The following SEL1L variants were observed in gnomAD, a reference collection of about 807,000 sequenced individuals.
SEL1L encodes the protein SEL1L adaptor subunit of SYVN1 ubiquitin ligase.
SEL1L carries 52 observed loss-of-function variants against 109.8 expected under a neutral mutation model. That is an observed-to-expected ratio of 0.47 (90% CI 0.38 to 0.60). The LOEUF (loss-of-function observed/expected upper bound fraction) is 0.60, where lower values mean the gene tolerates loss of function less well. SEL1L is among the 20% of genes least tolerant of loss of function. The pLI, the probability that SEL1L is intolerant of heterozygous loss-of-function variation, is 0.00. For missense variants in SEL1L, 749 were observed against 962.2 expected (o/e 0.78, Z 2.93); for synonymous variants, 373 against 339.6 (o/e 1.10, Z -1.08).
intron 6 of SEL1L, among the ~76,000 whole-genome samples, chr14:81,501,390 A>G (rs1212132746): frequency 6.6e-6 from 1 of 152,230 alleles, no homozygotes; most frequent in Non-Finnish European, 1.5e-5. Flanking sequence ...TGCCTTATAA[A>G]GTAAAACCGT....
rs779234987 is a variant in SEL1L at position 81,533,729 on chromosome 14, C to T, written c.16G>A (p.Gly6Arg). The change falls in exon 1 of 21, where the codon GGG becomes AGG. Residue 6 changes from glycine to arginine, a missense_variant. Coordinates refer to ENST00000336735, the MANE Select transcript of SEL1L (RefSeq NM_005065.6). Reference sequence around the variant, plus strand: ...ACCGCACACAGCAGCAGCGTCAGCCCTATCCGGACCCGCATCCTCCTCTCG... The same window carrying T: ...ACCGCACACAGCAGCAGCGTCAGCCTTATCCGGACCCGCATCCTCCTCTCG... MRVRIGLTLLLCAVLL... is the reference protein window; with the variant it reads MRVRIRLTLLLCAVLL... 8.1e-6 allele frequency: 13 copies of T among 1,613,570 alleles called. No homozygotes were observed. Among genetic ancestry groups the T allele is most frequent in the Non-Finnish European group, 1.1e-5 (13 of 1,179,842 alleles).
intron 6 of SEL1L, among the ~76,000 whole-genome samples, chr14:81,501,804 G>A (rs558193664): frequency 6.6e-6 from 1 of 152,104 alleles, no homozygotes; most frequent in Non-Finnish European, 1.5e-5. Context: ...GTAGAATACA[G>A]AACATCCCTT....
At chr14:81,527,311 TG>T (rs1477473466) in intron 2 of SEL1L, among the ~76,000 whole-genome samples, 2 of 152,190 alleles carry the variant, frequency 1.3e-5, no homozygotes, top group Non-Finnish European at 2.9e-5. Context: ...CATAACTGAC[TG>T]CAGGGTTGGG....
intron 3 of SEL1L, among the ~76,000 whole-genome samples, chr14:81,521,424 A>C (rs1430173054): frequency 1.3e-5 from 2 of 152,242 alleles, no homozygotes; most frequent in African/African-American, 4.8e-5. Context: ...ATGGCCAAAA[A>C]AGGAAAATTC....
At chr14:81,515,397 G>A (rs571622010) in intron 3 of SEL1L, among the ~76,000 whole-genome samples, 21 of 152,326 alleles carry the variant, frequency 1.4e-4, no homozygotes, top group African/African-American at 4.1e-4. Flanking sequence ...TGAAAAGAAT[G>A]CAGCTTTAGC....
intron 11 of SEL1L, among the ~76,000 whole-genome samples, chr14:81,493,473 G>A (rs1392814175): frequency 6.6e-6 from 1 of 151,926 alleles, no homozygotes; most frequent in East Asian, 1.9e-4. Context: ...CTGCGCCACT[G>A]CACTCCAGCT....
At position 81,502,601 on chromosome 14, in the gene SEL1L, AAAATTGGTATTTATCTTCC is replaced by A. The variant is rs889913617; in HGVS notation, c.777+101_777+119del. ...GAAGACTGATAAAATGGTCAGCCAC[AAAATTGGTATTTATCTTCC>A]AGTCTGACTTTTTAAAAGAAGTCAG... On this transcript the variant is annotated intron_variant, in intron 6 of 20. Transcript: ENST00000336735. The A allele has an allele frequency of 1.6e-5, 16 of 1,000,366 alleles. No homozygotes were observed. In the African/African-American group the frequency reaches 2.6e-4, roughly 16 times the overall value. The allele number at this position is 1,000,366 out of a possible 1,614,324, so 62.0% of individuals were successfully genotyped here. A position where few individuals can be genotyped will look rare whatever the true frequency, so the allele number is the denominator to read the frequency against.
rs1903045487 is a variant in SEL1L at position 81,472,705 on chromosome 14, A to G, written c.*4267T>C. The G allele has an allele frequency of 3.8e-6, 1 of 263,350 alleles. No homozygotes were observed. The highest frequency in any genetic ancestry group is 3.8e-5 in the South Asian group (1 of 26,422). The allele number at this position is 263,350 out of a possible 1,614,324, so 16.3% of individuals were successfully genotyped here. A position where few individuals can be genotyped will look rare whatever the true frequency, so the allele number is the denominator to read the frequency against. ...AGATATCAGAGATTTAAAAGATAACATTTCTTAGCAAATTCATGTTCTCCC... is the reference window on the plus strand; with the variant it reads ...AGATATCAGAGATTTAAAAGATAACGTTTCTTAGCAAATTCATGTTCTCCC... On this transcript the variant is annotated 3_prime_UTR_variant, in exon 21 of 21. Coordinates refer to ENST00000336735, the MANE Select transcript of SEL1L (RefSeq NM_005065.6).
chr14:81,488,257 C>T (rs1883396396), intron 14 of SEL1L, among the ~76,000 whole-genome samples: 1 of 152,138 alleles, frequency 6.6e-6, no homozygotes, highest in Non-Finnish European at 1.5e-5. Flanking sequence ...AACCAATCAA[C>T]CCTTTTTAAA....
intron 13 of SEL1L, among the ~76,000 whole-genome samples, chr14:81,489,789 T>C (rs1328143535): frequency 6.6e-6 from 1 of 152,038 alleles, no homozygotes; most frequent in East Asian, 1.9e-4. Flanking sequence ...TGGAGTGTCA[T>C]GGAACAAAGA....
At chr14:81,510,481 T>A (rs925256068) in intron 3 of SEL1L, among the ~76,000 whole-genome samples, 31 of 102,380 alleles carry the variant, frequency 3.0e-4, no homozygotes, top group Non-Finnish European at 5.6e-4. Context: ...GATCTCTCTC[T>A]CTCTCTCTCT....
In SEL1L at chr14:81,533,607, G is replaced by A. The variant is rs368164164; in HGVS notation, c.70+68C>T. The A allele has an allele frequency of 7.5e-5, 113 of 1,500,332 alleles. No individual in the cohort carries two copies. The East Asian group carries it at 2.5e-3, about 33-fold the overall frequency. 92.9% of individuals were successfully genotyped at this position (1,500,332 alleles called of 1,614,324 possible). ...GGGTCCCGAGCCTGGAGTCCCCACG[G>A]CCCCGCCGGCTGTAGAGGCTGGGGG... is the stretch of plus-strand genomic sequence containing the variant. On this transcript the variant is annotated intron_variant, in intron 1 of 20. Transcript: ENST00000336735.
intron 3 of SEL1L, among the ~76,000 whole-genome samples, chr14:81,521,578 T>A (rs773693015): frequency 1.3e-5 from 2 of 152,252 alleles, no homozygotes; most frequent in Non-Finnish European, 2.9e-5. Context: ...CACCTAGTGA[T>A]GTCCTAGTCA....
At position 81,479,672 on chromosome 14, in the gene SEL1L, G is replaced by A. The variant is rs1384784865; in HGVS notation, c.2115C>T (p.Val705=). The A allele has an allele frequency of 6.2e-7, 1 of 1,614,118 alleles. No homozygotes were observed. Among genetic ancestry groups the A allele is most frequent in the Non-Finnish European group, 8.5e-7 (1 of 1,179,988 alleles). ...CGCCCAATTTGCAGAGGGCTAGGAA[G>A]ACTGGAACTTGTGCATCTGGGCTGG... ...AEASPDAQVP[V]FLALCKLGVV... is the part of the protein sequence containing the mutation. Residue 705 remains valine, a synonymous_variant, in exon 20 of 21, where the codon GTC becomes GTT. Transcript: ENST00000336735.
At chr14:81,492,955 A>G (rs1883604331) in intron 11 of SEL1L, among the ~76,000 whole-genome samples, 1 of 152,200 alleles carries the variant, frequency 6.6e-6, no homozygotes, top group African/African-American at 2.4e-5. Flanking sequence ...CAAGACATGG[A>G]GCATATTTTC....
At chr14:81,524,354 CAG>C (rs954583001) in intron 3 of SEL1L, among the ~76,000 whole-genome samples, 1 of 152,102 alleles carries the variant, frequency 6.6e-6, no homozygotes, top group African/African-American at 2.4e-5. Flanking sequence ...TGTAAAGCAA[CAG>C]AAAGTACACA....
chr14:81,526,704 T>C (rs1254497614), intron 3 of SEL1L, 29 bp downstream of exon 3: 18 of 1,579,142 alleles, frequency 1.1e-5, no homozygotes, highest in Middle Eastern at 1.7e-4. Context: ...CCTAAATAAA[T>C]CAAAAAGCAA....
intron 1 of SEL1L, among the ~76,000 whole-genome samples, chr14:81,528,232 AT>A (rs1158746340): frequency 6.6e-6 from 1 of 152,188 alleles, no homozygotes; most frequent in African/African-American, 2.4e-5. Flanking sequence ...GAAACTAAGA[AT>A]TATTATTTGA....
At chr14:81,508,283 C>CT (rs559136031) in intron 3 of SEL1L, among the ~76,000 whole-genome samples, 223 of 152,190 alleles carry the variant, frequency 1.5e-3, no homozygotes, top group Non-Finnish European at 2.4e-3. Flanking sequence ...AGGCAAATAA[C>CT]TTTTTTTACC....
Sources: gnomAD v4.1 joint callset for allele counts (sites outside exome capture counted in the v4.1 genomes callset) on GRCh38, gnomAD v4.1.1 for gene constraint, MANE v1.5 for transcripts, NCBI Gene and HGNC (gene_info 2026-07-23, HGNC 2026-07-21) for gene names.